Variants in PCDHA1 observed in about 807,000 individuals in gnomAD.
PCDHA1 encodes protocadherin alpha 1.
In PCDHA1, 42 loss-of-function variants were observed where a neutral mutation model predicts 61.3. The ratio of observed to expected loss-of-function variants is 0.69; its 90% CI spans 0.54 to 0.89. PCDHA1 has a LOEUF of 0.89. PCDHA1 is among the 40% of genes least tolerant of loss of function. The pLI is 0.00. For synonymous variants in PCDHA1, 610 were observed against 553.8 expected (o/e 1.10, Z -1.43); for missense variants, 1,256 against 1,235.3 (o/e 1.02, Z -0.25).
chr5:140,786,646 T>C lies in PCDHA1; in HGVS notation c.356T>C (p.Val119Ala), dbSNP rs1761323318. ...IADRPLQVFH[V>A]EVKVKDINDN... is the part of the protein sequence containing the mutation. The stretch of plus-strand genomic sequence containing the variant: ...GACAGGCCGCTGCAGGTTTTCCATG[T>C]GGAGGTGAAGGTGAAAGACATTAAC... Residue 119 changes from valine (V) to alanine (A), a missense_variant, in exon 1 of 4, where the codon GTG becomes GCG. By Grantham distance (64) the Val-to-Ala change is moderately conservative (BLOSUM62 0). Coordinates refer to ENST00000504120, the MANE Select transcript of PCDHA1 (RefSeq NM_018900.4). 1.2e-6 allele frequency: 2 copies of C among 1,614,118 alleles called. No homozygotes were observed. The highest frequency in any genetic ancestry group is 1.1e-5 in the South Asian group (1 of 91,096).
chr5:140,857,359 G>A lies in PCDHA1; in HGVS notation c.2394+68675G>A, dbSNP rs200721411. The A allele has an allele frequency of 2.9e-5, 46 of 1,598,282 alleles. 7 individuals carry two copies. The highest frequency in any genetic ancestry group is 3.8e-5 in the Non-Finnish European group (44 of 1,167,900). ...GGGGCTCGCCTCCGCTGTGGGCCAC[G>A]GCCAGCGTGTCTGTGGAGGTGGCCG... On this transcript the variant is annotated intron_variant, in intron 1 of 3. Coordinates refer to ENST00000504120, the MANE Select transcript of PCDHA1 (RefSeq NM_018900.4).
intron 1 of PCDHA1, chr5:140,801,427 T>C (rs782125063): frequency 6.2e-7 from 1 of 1,613,768 alleles, no homozygotes; most frequent in East Asian, 2.2e-5. Context: ...CTTCTGGAGG[T>C]AAATCTGCAG....
chr5:140,808,872 C>G (rs782630901), intron 1 of PCDHA1: 1 of 1,613,186 alleles, frequency 6.2e-7, no homozygotes, highest in Non-Finnish European at 8.5e-7. Context: ...AACGACAACG[C>G]GCCAGCACTG....
At chr5:140,969,598 T>C in intron 1 of PCDHA1, 1 of 790,872 alleles carries the variant, frequency 1.3e-6, no homozygotes, top group Non-Finnish European at 1.9e-6. Context: ...TAATATTTAA[T>C]GCTAAAACAC....
chr5:140,792,455 C>G (rs1554118805), intron 1 of PCDHA1, among the ~76,000 whole-genome samples: 1 of 152,126 alleles, frequency 6.6e-6, no homozygotes, highest in African/African-American at 2.4e-5. Flanking sequence ...CAAGAGATAT[C>G]AAGTGCAGTG....
chr5:140,948,492 A>C (rs915795889), intron 1 of PCDHA1, among the ~76,000 whole-genome samples: 1 of 151,594 alleles, frequency 6.6e-6, no homozygotes, highest in Non-Finnish European at 1.5e-5. Flanking sequence ...AATTTCTTTC[A>C]TAGACTTTCT....
At chr5:140,863,748 C>T (rs1221413981) in intron 1 of PCDHA1, 2 of 241,286 alleles carry the variant, frequency 8.3e-6, no homozygotes, top group South Asian at 5.4e-5. Flanking sequence ...TTTGTAATCC[C>T]GGCACTTTGG....
rs782636217 is a variant in PCDHA1 at position 140,928,409 on chromosome 5, C to T, written c.2395-50540C>T. The T allele has an allele frequency of 1.9e-6, 3 of 1,614,030 alleles. No individual in the cohort carries two copies. The Admixed American group carries it at 5.0e-5, about 27-fold the overall frequency. On this transcript the variant is annotated intron_variant, in intron 1 of 3. Coordinates refer to ENST00000504120, the MANE Select transcript of PCDHA1 (RefSeq NM_018900.4). ...CTGGCAGTGGAATCATCCAGTGGGG[C>T]CATCACTGCCAAAACTTCCTTTGAC...
intron 3 of PCDHA1, among the ~76,000 whole-genome samples, chr5:140,986,055 T>C (rs2097185833): frequency 6.6e-6 from 1 of 152,164 alleles, no homozygotes; most frequent in African/African-American, 2.4e-5. Context: ...ATGAATTCTT[T>C]TGCTTTTTAA....
chr5:140,878,899 G>A (rs1301967468), intron 1 of PCDHA1, among the ~76,000 whole-genome samples: 2 of 152,152 alleles, frequency 1.3e-5, no homozygotes, highest in African/African-American at 4.8e-5. Flanking sequence ...CTACAGGCAG[G>A]CTCCACCACT....
In PCDHA1 at chr5:140,787,349, T is replaced by G. The variant is rs147391611; in HGVS notation, c.1059T>G (p.Thr353=). ...VNDNAPELAV[T]SLYLPIREDA... ...ATAATGCTCCAGAACTGGCGGTCAC[T>G]TCATTGTATTTGCCTATCAGAGAGG... The change falls in exon 1 of 4, where the codon ACT becomes ACG. Residue 353 remains threonine (T), a synonymous_variant. Transcript: ENST00000504120. 1.9e-4 allele frequency: 314 copies of G among 1,614,202 alleles called. 1 individual carries two copies. In the African/African-American group the frequency reaches 3.6e-3, roughly 18 times the overall value.
chr5:140,949,924 A>AT (rs144693243), intron 1 of PCDHA1, among the ~76,000 whole-genome samples: 6 of 151,302 alleles, frequency 4.0e-5, no homozygotes, highest in African/African-American at 7.3e-5. Context: ...CTATTTTTAG[A>AT]TTTTTTTTAA....
chr5:140,795,392 C>T, intron 1 of PCDHA1: 2 of 1,614,134 alleles, frequency 1.2e-6, no homozygotes, highest in Non-Finnish European at 1.7e-6. Flanking sequence ...ATCCGGTTTC[C>T]CGAATCAAGG....
At chr5:140,872,016 C>T (rs2053445167) in intron 1 of PCDHA1, among the ~76,000 whole-genome samples, 1 of 152,182 alleles carries the variant, frequency 6.6e-6, no homozygotes, top group Non-Finnish European at 1.5e-5. Flanking sequence ...TGACCTGTAG[C>T]CTGGAACTGC....
chr5:140,800,621 T>C (rs782325777), intron 1 of PCDHA1, among the ~76,000 whole-genome samples: 2 of 152,330 alleles, frequency 1.3e-5, no homozygotes, highest in South Asian at 4.1e-4. Context: ...AATCCCATCG[T>C]ACCAAGAGAT....
intron 1 of PCDHA1, chr5:140,850,272 A>C: frequency 6.3e-7 from 1 of 1,594,726 alleles, no homozygotes; most frequent in Non-Finnish European, 8.6e-7. Context: ...AGTGGTGGGG[A>C]AGGTGCGCGC....
At chr5:140,968,519 A>C (rs1030847582) in intron 1 of PCDHA1, 1 of 1,614,008 alleles carries the variant, frequency 6.2e-7, no homozygotes, top group African/African-American at 1.3e-5. Flanking sequence ...CCCTACCTCA[A>C]CCAACTCGTC....
At chr5:140,990,395 G>A (rs916362624) in intron 3 of PCDHA1, among the ~76,000 whole-genome samples, 1 of 152,116 alleles carries the variant, frequency 6.6e-6, no homozygotes, top group Non-Finnish European at 1.5e-5. Flanking sequence ...GTTCCAAGAA[G>A]GTTCACCAGC....
chr5:140,869,343 G>A (rs1554162925), intron 1 of PCDHA1: 1 of 1,613,974 alleles, frequency 6.2e-7, no homozygotes, highest in African/African-American at 1.3e-5. Context: ...TAAATCTGCA[G>A]AATGGCATTT....
Sources: allele counts gnomAD v4.1 joint callset (sites outside exome capture counted in the v4.1 genomes callset), GRCh38; gene constraint gnomAD v4.1.1; transcripts MANE v1.5; gene names NCBI Gene and HGNC (gene_info 2026-07-23, HGNC 2026-07-21).